Variants in RIMS3 observed in about 807,000 individuals in gnomAD.
RIMS3 encodes regulating synaptic membrane exocytosis protein 3.
A neutral mutation model predicts 29.2 loss-of-function variants in RIMS3; 15 were observed. The ratio of observed to expected loss-of-function variants is 0.51; its 90% CI spans 0.34 to 0.79. RIMS3 has a LOEUF of 0.79. Among genes scored for constraint, RIMS3 ranks in the 30% least tolerant of loss-of-function variants. The pLI is 0.01. For missense variants in RIMS3, 342 were observed against 421.4 expected (o/e 0.81, Z 1.65); for synonymous variants, 161 against 170.1 (o/e 0.95, Z 0.41).
rs576917823 is a variant in RIMS3 at position 40,635,156 on chromosome 1, A to G, written c.359+760T>C. Among the ~76,000 whole-genome samples the G allele has an allele frequency of 1.3e-5, 2 of 152,334 alleles. No individual in the cohort carries two copies. The highest frequency in any genetic ancestry group is 4.1e-4 in the South Asian group (2 of 4,828). On this transcript the variant is annotated intron_variant, in intron 4 of 7. Transcript: ENST00000372684. This position sits in a 1 kb window ranked among gnomAD's most constrained non-coding sequence, Gnocchi z 4.1. ...TCAAACGAGGGAGCCACAGAATCCT[A>G]AGCCTGGAAGTCACTAGGCCTTGAA...
At chr1:40,691,736 C>A in the RIMS3 span, 1 of 455,556 alleles carries the variant, frequency 2.2e-6, no homozygotes, top group Non-Finnish European at 4.4e-6. Flanking sequence ...TGCTTGTGCC[C>A]CCGCTTCGCG....
At chr1:40,653,603 C>A (rs1487665757) in intron 1 of RIMS3, among the ~76,000 whole-genome samples, 3 of 152,054 alleles carry the variant, frequency 2.0e-5, no homozygotes, top group African/African-American at 7.2e-5. Flanking sequence ...TGGGCTGTGG[C>A]GGGAGCCCGG....
intron 1 of RIMS3, among the ~76,000 whole-genome samples, chr1:40,659,131 C>A (rs995803677): frequency 6.6e-6 from 1 of 151,988 alleles, no homozygotes; most frequent in Admixed American, 6.6e-5. Flanking sequence ...GCAGCTGAGC[C>A]GATTTTGAAG....
chr1:40,678,216 T>C, the RIMS3 span, among the ~76,000 whole-genome samples: 1 of 152,220 alleles, frequency 6.6e-6, no homozygotes, highest in African/African-American at 2.4e-5. Context: ...AAGACTGTCC[T>C]GGCCCACATG....
Position 40,626,612 on chromosome 1 carries a change from G to A in RIMS3, c.832C>T (p.Pro278Ser), listed in dbSNP as rs754544402. 1.2e-6 allele frequency: 2 copies of A among 1,614,034 alleles called. No homozygotes were observed. The highest frequency in any genetic ancestry group is 1.3e-5 in the African/African-American group (1 of 74,906). ...GTGGAGTCTGCCACTGAGGAGGTGGGGAAGAGTTTGTACCAGCCGGTGACC... is the reference window on the plus strand; with the variant it reads ...GTGGAGTCTGCCACTGAGGAGGTGGAGAAGAGTTTGTACCAGCCGGTGACC... ...AAVTGWYKLF[P>S]TSSVADSTLG... Residue 278 changes from proline to serine, a missense_variant, in exon 8 of 8, where the codon CCC (proline) becomes TCC (serine). By Grantham distance (74) the Pro-to-Ser change is moderately conservative. Transcript: ENST00000372684.
At chr1:40,633,245 G>C in intron 4 of RIMS3, 64 bp from the exon 5 acceptor site, 1 of 1,333,890 alleles carries the variant, frequency 7.5e-7, no homozygotes, top group Non-Finnish European at 1.1e-6. Flanking sequence ...AAGTATAGCT[G>C]GCAGGCTGCC....
At chr1:40,688,207 C>G in the RIMS3 span, among the ~76,000 whole-genome samples, 1 of 152,158 alleles carries the variant, frequency 6.6e-6, no homozygotes, top group South Asian at 2.1e-4. Context: ...TCGTGATCTG[C>G]CCGCCTCAGC....
At chr1:40,684,346 G>A in the RIMS3 span, among the ~76,000 whole-genome samples, 4 of 152,176 alleles carry the variant, frequency 2.6e-5, no homozygotes, top group African/African-American at 9.7e-5. Context: ...TTTCCATGAA[G>A]CAAGAATAAT....
chr1:40,669,146 A>G (rs1642462011), upstream of RIMS3: 1 of 152,266 alleles, frequency 6.6e-6, no homozygotes, highest in Non-Finnish European at 1.5e-5. Flanking sequence ...TTAAAAATAA[A>G]TAAATAACAG....
chr1:40,651,692 T>A (rs1357721567), intron 1 of RIMS3, among the ~76,000 whole-genome samples: 1 of 152,222 alleles, frequency 6.6e-6, no homozygotes, highest in Non-Finnish European at 1.5e-5. Context: ...ATAGCAGGAC[T>A]CAGTAAATAT....
At chr1:40,649,026 A>T (rs540889941) in intron 1 of RIMS3, among the ~76,000 whole-genome samples, 1 of 152,168 alleles carries the variant, frequency 6.6e-6, no homozygotes, top group Non-Finnish European at 1.5e-5. Context: ...CCACTCAGGG[A>T]GAGGTGGGCG....
chr1:40,670,604 A>ATATT (rs1642481726), upstream of RIMS3, among the ~76,000 whole-genome samples: 1 of 132,386 alleles, frequency 7.6e-6, no homozygotes, highest in Non-Finnish European at 1.6e-5. Flanking sequence ...ATATATATAT[A>ATATT]TATATTTGAG....
At chr1:40,684,175 T>G in the RIMS3 span, among the ~76,000 whole-genome samples, 1 of 152,184 alleles carries the variant, frequency 6.6e-6, no homozygotes, top group East Asian at 1.9e-4. Context: ...TTATATGACA[T>G]GGATTGGGAA....
At chr1:40,650,116 A>G (rs1044298952) in intron 1 of RIMS3, among the ~76,000 whole-genome samples, 1 of 152,084 alleles carries the variant, frequency 6.6e-6, no homozygotes, top group African/African-American at 2.4e-5. Context: ...CCACAACTCT[A>G]AGGACTCAGA....
intron 3 of RIMS3, 103 bp downstream of exon 3, chr1:40,641,606 G>T: frequency 8.9e-7 from 1 of 1,120,172 alleles, no homozygotes. Flanking sequence ...CAGTATAAGT[G>T]TCTGTGGGCA....
At chr1:40,652,969 G>C (rs1177848443) in intron 1 of RIMS3, among the ~76,000 whole-genome samples, 8 of 152,142 alleles carry the variant, frequency 5.3e-5, no homozygotes, top group Non-Finnish European at 1.2e-4. Context: ...GACAAAGTAG[G>C]GAAAAGGGAA....
At chr1:40,668,579 C>T (rs1351582490), upstream of RIMS3, among the ~76,000 whole-genome samples, 2 of 150,458 alleles carry the variant, frequency 1.3e-5, no homozygotes, top group African/African-American at 4.9e-5. Context: ...TGCCCTTATT[C>T]GACACTGAAA....
At chr1:40,649,186 G>GACAC (rs5773699) in intron 1 of RIMS3, among the ~76,000 whole-genome samples, 5 of 150,836 alleles carry the variant, frequency 3.3e-5, no homozygotes, top group Admixed American at 2.0e-4. Context: ...TGCATGCACA[G>GACAC]ACACACACAC....
At chr1:40,649,905 G>T (rs747091342) in intron 1 of RIMS3, among the ~76,000 whole-genome samples, 1 of 152,198 alleles carries the variant, frequency 6.6e-6, no homozygotes, top group Non-Finnish European at 1.5e-5. Context: ...ACCCCAGAGA[G>T]GCTGGATACT....
Sources: gnomAD v4.1 joint callset for allele counts (sites outside exome capture counted in the v4.1 genomes callset) on GRCh38, gnomAD v4.1.1 for gene constraint, Gnocchi (gnomAD v3.1) non-coding constraint, MANE v1.5 for transcripts, NCBI Gene and HGNC (gene_info 2026-07-23, HGNC 2026-07-21) for gene names.